NCAM2: variants seen among roughly 807,000 people sequenced by gnomAD.
NCAM2 encodes the protein N-CAM-2.
In NCAM2, 30 loss-of-function variants were observed where a neutral mutation model predicts 98.1. The observed-to-expected ratio is 0.31, with a 90% CI of 0.23 to 0.41. NCAM2 has a LOEUF of 0.41. Among genes scored for constraint, NCAM2 ranks in the 10% least tolerant of loss-of-function variants. The pLI is 1.00. For missense variants in NCAM2, 867 were observed against 1,005.8 expected (o/e 0.86, Z 1.87); for synonymous variants, 368 against 342.4 (o/e 1.07, Z -0.83).
intron 1 of NCAM2, among the ~76,000 whole-genome samples, chr21:21,265,453 TATATA>T (rs1172257203): frequency 2.9e-5 from 4 of 137,454 alleles, no homozygotes; most frequent in East Asian, 2.0e-4. Context: ...TATACACACA[TATATA>T]ATATATGTGT....
intron 1 of NCAM2, among the ~76,000 whole-genome samples, chr21:21,211,705 T>C (rs570623309): frequency 6.6e-6 from 1 of 152,324 alleles, no homozygotes; most frequent in South Asian, 2.1e-4. Flanking sequence ...TAGTTTGCTC[T>C]ATGCTGTGGT....
At chr21:21,241,788 A>C (rs1005871678) in intron 1 of NCAM2, among the ~76,000 whole-genome samples, 9 of 152,016 alleles carry the variant, frequency 5.9e-5, no homozygotes, top group Admixed American at 5.9e-4. Context: ...CAGGGTCTGC[A>C]TAGAGAACAT....
chr21:21,264,103 A>G (rs994275501), intron 1 of NCAM2, among the ~76,000 whole-genome samples: 16 of 152,134 alleles, frequency 1.1e-4, no homozygotes, highest in African/African-American at 3.6e-4. Context: ...CCTCTGACAA[A>G]GGATTGATAC....
At chr21:21,064,975 T>C (rs1159946305) in intron 1 of NCAM2, among the ~76,000 whole-genome samples, 3 of 149,600 alleles carry the variant, frequency 2.0e-5, no homozygotes, top group Non-Finnish European at 4.5e-5. Flanking sequence ...AGGTCAGGAG[T>C]TCAAGAGCAG....
rs868715733 is a variant in NCAM2 at position 21,114,676 on chromosome 21, A to G, written c.55+116058A>G. ...CTGTTGTAATAAACCACTGATCAGT[A>G]TCTTTTTGGGGCCCTGTGGGGAACA... On this transcript the variant is annotated intron_variant, in intron 1 of 17. Coordinates refer to ENST00000400546, the MANE Select transcript of NCAM2 (RefSeq NM_004540.5). Among the ~76,000 whole-genome samples, 29 of 152,290 alleles carry G rather than the reference A, an allele frequency of 1.9e-4. 2 individuals carry two copies. In the East Asian group the frequency reaches 3.1e-3, roughly 16 times the overall value.
intron 12 of NCAM2, among the ~76,000 whole-genome samples, chr21:21,437,842 G>C (rs1397920055): frequency 6.6e-6 from 1 of 151,974 alleles, no homozygotes; most frequent in Non-Finnish European, 1.5e-5. Context: ...GGTGTACTTA[G>C]AAGGCTTGTT....
chr21:21,389,980 G>A (rs1449976664), intron 9 of NCAM2, among the ~76,000 whole-genome samples: 1 of 152,150 alleles, frequency 6.6e-6, no homozygotes, highest in Non-Finnish European at 1.5e-5. Flanking sequence ...CTCCCGAGTA[G>A]CTGGGACTAC....
At position 21,335,670 on chromosome 21, in the gene NCAM2, G is replaced by GT. The variant is rs1380455611; in HGVS notation, c.898+6dup. 1.9e-6 allele frequency: 3 copies of GT among 1,596,096 alleles called. No individual in the cohort carries two copies. Among genetic ancestry groups the GT allele is most frequent in the Non-Finnish European group, 2.6e-6 (3 of 1,172,754 alleles). On this transcript the variant is annotated splice_donor_region_variant and intron_variant, in intron 7 of 17. Coordinates refer to ENST00000400546, the MANE Select transcript of NCAM2 (RefSeq NM_004540.5). ...AAGCTTTCCTCCAAGTCTTTGGTAA[G>GT]TATTATAGCATAGTGGCTAAAACTG...
intron 1 of NCAM2, among the ~76,000 whole-genome samples, chr21:21,235,053 C>A (rs1482126421): frequency 3.3e-5 from 5 of 151,890 alleles, no homozygotes; most frequent in Admixed American, 3.3e-4. Context: ...ATATGTCCAT[C>A]AGGCAAGTCA....
chr21:20,999,529 C>A (rs910768401), intron 1 of NCAM2, among the ~76,000 whole-genome samples: 1 of 151,870 alleles, frequency 6.6e-6, no homozygotes, highest in African/African-American at 2.4e-5. Flanking sequence ...CAAGTTTGGA[C>A]GTTTAATTAG....
intron 1 of NCAM2, among the ~76,000 whole-genome samples, chr21:21,230,054 G>T (rs1432468082): frequency 1.3e-5 from 2 of 151,190 alleles, no homozygotes; most frequent in African/African-American, 2.4e-5. Context: ...TTAACAATGA[G>T]TAATCTTAGG....
At position 21,338,464 on chromosome 21, in the gene NCAM2, A is replaced by G; in HGVS notation, c.974A>G (p.Glu325Gly). 6.2e-7 allele frequency: 1 copy of G among 1,612,946 alleles called. No individual in the cohort carries two copies. The highest frequency in any genetic ancestry group is 8.5e-7 in the Non-Finnish European group (1 of 1,179,426). The change falls in exon 8 of 18, where the codon GAA becomes GGA. Residue 325 changes from glutamate to glycine, a missense_variant. By Grantham distance (98) the Glu-to-Gly change is moderately conservative (BLOSUM62 -2). Transcript: ENST00000400546. The part of the protein sequence containing the change: ...NGQVTLVCDA[E>G]GEPIPEITWK... Reference sequence around the variant, plus strand: ...CAAGTCACACTCGTATGTGATGCGGAAGGGGAGCCTATTCCAGAAATCACT... The same window carrying G: ...CAAGTCACACTCGTATGTGATGCGGGAGGGGAGCCTATTCCAGAAATCACT...
intron 1 of NCAM2, among the ~76,000 whole-genome samples, chr21:21,018,748 T>A (rs2064369634): frequency 6.6e-6 from 1 of 152,200 alleles, no homozygotes; most frequent in Non-Finnish European, 1.5e-5. Context: ...GTCAACTAAG[T>A]GCACTTATTT....
intron 1 of NCAM2, among the ~76,000 whole-genome samples, chr21:21,190,495 G>A (rs73894502): frequency 9.6e-4 from 146 of 152,268 alleles, no homozygotes; most frequent in African/African-American, 3.2e-3. Flanking sequence ...TGCTCTTCTG[G>A]TTCGACTCTG....
intron 1 of NCAM2, among the ~76,000 whole-genome samples, chr21:21,266,248 G>GT (rs533870987): frequency 2.0e-5 from 3 of 151,956 alleles, no homozygotes; most frequent in African/African-American, 7.2e-5. Context: ...TAAACATACT[G>GT]TTTTTTTACT....
At chr21:21,481,041 C>A (rs139098317) in intron 15 of NCAM2, among the ~76,000 whole-genome samples, 24 of 152,272 alleles carry the variant, frequency 1.6e-4, no homozygotes, top group African/African-American at 5.5e-4. Context: ...GAAACATACA[C>A]CATGATGCTG....
intron 1 of NCAM2, among the ~76,000 whole-genome samples, chr21:21,218,704 C>G (rs1432451422): frequency 6.6e-6 from 1 of 152,174 alleles, no homozygotes; most frequent in African/African-American, 2.4e-5. Context: ...AGTGAAATCT[C>G]TCCTAGAACC....
chr21:21,176,620 G>A (rs1379070946), intron 1 of NCAM2, among the ~76,000 whole-genome samples: 2 of 151,872 alleles, frequency 1.3e-5, no homozygotes, highest in Non-Finnish European at 2.9e-5. Context: ...AATATTTTGA[G>A]GGAGAAATTA....
intron 1 of NCAM2, among the ~76,000 whole-genome samples, chr21:21,195,972 G>C (rs1368921820): frequency 1.3e-5 from 2 of 152,174 alleles, no homozygotes; most frequent in African/African-American, 4.8e-5. Flanking sequence ...ATTAATATCT[G>C]AGTTTAAATA....
Sources: allele counts gnomAD v4.1 joint callset (sites outside exome capture counted in the v4.1 genomes callset), GRCh38; gene constraint gnomAD v4.1.1; transcripts MANE v1.5; gene names NCBI Gene and HGNC (gene_info 2026-07-23, HGNC 2026-07-21).